Variants in ARFGEF1 observed in about 807,000 individuals in gnomAD.
ARFGEF1 encodes the protein ARF guanine nucleotide exchange factor 1, also known as brefeldin A-inhibited guanine nucleotide-exchange protein 1.
ARFGEF1 carries 42 observed loss-of-function variants against 231.0 expected under a neutral mutation model. The observed-to-expected ratio is 0.18, with a 90% CI of 0.14 to 0.24. The LOEUF (loss-of-function observed/expected upper bound fraction) is 0.24, where lower values mean the gene tolerates loss of function less well. Ranked by LOEUF, ARFGEF1 falls within the 10% of genes least tolerant of loss-of-function variation. ARFGEF1 has a pLI of 1.00. For synonymous variants in ARFGEF1, 710 were observed against 732.3 expected (o/e 0.97, Z 0.49); for missense variants, 1,345 against 2,192.0 (o/e 0.61, Z 7.72).
At chr8:67,192,456 ATG>A (rs1246490021) in intron 5 of ARFGEF1, among the ~76,000 whole-genome samples, 1 of 152,128 alleles carries the variant, frequency 6.6e-6, no homozygotes, top group African/African-American at 2.4e-5. Context: ...CTAGTTATCA[ATG>A]TGTGATTTTC....
At chr8:67,190,397 G>A (rs1285257509) in intron 5 of ARFGEF1, among the ~76,000 whole-genome samples, 1 of 152,054 alleles carries the variant, frequency 6.6e-6, no homozygotes, top group African/African-American at 2.4e-5. Context: ...TTTGCCCGGG[G>A]CCAGCAGGTG....
rs761947326 is a variant in ARFGEF1 at position 67,204,831 on chromosome 8, C to A, written c.4820-12G>T. ...TTGTTCTGGAAATTCTGTGAGGAAA[C>A]CCCCCCCAATGCACATGCAAACAAA... On this transcript the variant is annotated splice_polypyrimidine_tract_variant and intron_variant, in intron 34 of 38. Transcript: ENST00000262215. 1 of 1,584,910 alleles carries A rather than the reference C, an allele frequency of 6.3e-7. No individual in the cohort carries two copies. Among genetic ancestry groups the A allele is most frequent in the Non-Finnish European group, 8.6e-7 (1 of 1,161,080 alleles).
chr8:67,251,536 A>G (rs1464975516), intron 18 of ARFGEF1, 86 bp from the exon 19 acceptor site: 1 of 1,255,794 alleles, frequency 8.0e-7, no homozygotes, highest in Non-Finnish European at 1.1e-6. Context: ...AATAAACACC[A>G]CCAGTAATTA....
rs373101795 is a variant in ARFGEF1 at position 67,227,978 on chromosome 8, T to A, written c.3576A>T (p.Gly1192=). 6.4e-7 allele frequency: 1 copy of A among 1,570,026 alleles called. No individual in the cohort carries two copies. The highest frequency in any genetic ancestry group is 8.6e-7 in the Non-Finnish European group (1 of 1,167,042). ...LQWSRIWEVI[G]DHFNKVGCNP... is the part of the protein sequence containing the mutation. ...ATTCAAATACCTTATTAAAATGATC[T>A]CCAATAACTTCCCAAATTCGAGACC... The change falls in exon 25 of 39, where the codon GGA becomes GGT. Residue 1192 remains glycine (G), a synonymous_variant. Transcript: ENST00000262215.
In ARFGEF1 at chr8:67,343,451, G is replaced by A. The variant is rs1362396551; in HGVS notation, c.-164C>T. 4.4e-6 allele frequency: 6 copies of A among 1,359,770 alleles called. No homozygotes were observed. The highest frequency in any genetic ancestry group is 5.7e-6 in the Non-Finnish European group (6 of 1,053,190). 84.2% of individuals were successfully genotyped at this position (1,359,770 alleles called of 1,614,324 possible). ...GGATCAGGAAGGGGCGGGCGAGCGGGACCAGCCGCGGTGTCGGCGAAGGGC... is the reference window on the plus strand; with the variant it reads ...GGATCAGGAAGGGGCGGGCGAGCGGAACCAGCCGCGGTGTCGGCGAAGGGC... On this transcript the variant is annotated 5_prime_UTR_variant, in exon 1 of 39. Coordinates refer to ENST00000262215, the MANE Select transcript of ARFGEF1 (RefSeq NM_006421.5).
intron 14 of ARFGEF1, among the ~76,000 whole-genome samples, chr8:67,264,661 A>C (rs2128892933): frequency 6.6e-6 from 1 of 152,276 alleles, no homozygotes; most frequent in South Asian, 2.1e-4. Flanking sequence ...AAACAGTTGT[A>C]GACAAGTATA....
At chr8:67,336,040 C>G (rs887461930) in intron 1 of ARFGEF1, among the ~76,000 whole-genome samples, 1 of 152,238 alleles carries the variant, frequency 6.6e-6, no homozygotes, top group Non-Finnish European at 1.5e-5. Context: ...TGAGCCACCG[C>G]GCCCGGCCAT....
At chr8:67,269,153 T>C (rs762812409) in intron 10 of ARFGEF1, among the ~76,000 whole-genome samples, 8 of 152,142 alleles carry the variant, frequency 5.3e-5, no homozygotes, top group African/African-American at 9.7e-5. Context: ...AAGTATGCTG[T>C]CTTCACATAT....
chr8:67,223,266 G>A (rs1839262801), intron 29 of ARFGEF1, among the ~76,000 whole-genome samples: 1 of 152,182 alleles, frequency 6.6e-6, no homozygotes, highest in Admixed American at 6.5e-5. Context: ...CTGGAGTACA[G>A]TGGTGTGATC....
At chr8:67,194,268 C>A (rs1234596625), downstream of ARFGEF1, among the ~76,000 whole-genome samples, 2 of 152,138 alleles carry the variant, frequency 1.3e-5, no homozygotes, top group Non-Finnish European at 2.9e-5. Flanking sequence ...CTGGAGTGGT[C>A]TATTTGGGAA....
At chr8:67,236,317 CAAAAAA>C (rs1170379472) in intron 22 of ARFGEF1, among the ~76,000 whole-genome samples, 1 of 12,100 alleles carries the variant, frequency 8.3e-5, no homozygotes, top group African/African-American at 1.6e-4. Context: ...GACTGTGACT[CAAAAAA>C]AAAAAAAAAA....
rs1473715074 is a variant in ARFGEF1, at chr8:67,343,353, G to A, written c.-66C>T. The A allele has an allele frequency of 5.0e-6, 8 of 1,593,686 alleles. No individual in the cohort carries two copies. Among genetic ancestry groups the A allele is most frequent in the South Asian group, 2.2e-5 (2 of 89,638 alleles). On this transcript the variant is annotated 5_prime_UTR_variant, in exon 1 of 39. Transcript: ENST00000262215. ...TCCCAGCGGCTGGAGGGGAGGAGGA[G>A]GAGAGGAAGGAAGAGAAGAGAGAAA... is the stretch of plus-strand genomic sequence containing the variant.
chr8:67,241,022 C>T (rs1264520743), intron 19 of ARFGEF1, among the ~76,000 whole-genome samples: 2 of 151,972 alleles, frequency 1.3e-5, no homozygotes, highest in African/African-American at 2.4e-5. Context: ...AAGTGGTCAT[C>T]ATAAAGAAAA....
chr8:67,193,029 T>C (rs1321966988), downstream of ARFGEF1, among the ~76,000 whole-genome samples: 3 of 152,246 alleles, frequency 2.0e-5, no homozygotes, highest in South Asian at 2.1e-4. Context: ...TGGATAAGCA[T>C]AGGAGCCATA....
intron 1 of ARFGEF1, among the ~76,000 whole-genome samples, chr8:67,320,712 T>C (rs1807548541): frequency 6.6e-6 from 1 of 152,000 alleles, no homozygotes; most frequent in Non-Finnish European, 1.5e-5. Context: ...ATCCCAGCAC[T>C]TTGGGAGGCT....
chr8:67,222,586 G>A (rs967339569), intron 29 of ARFGEF1, among the ~76,000 whole-genome samples: 5 of 152,158 alleles, frequency 3.3e-5, no homozygotes, highest in South Asian at 4.2e-4. Context: ...AAGTAGCTGC[G>A]ATTACAGGTG....
At chr8:67,233,055 A>G in intron 22 of ARFGEF1, 110 bp from the exon 23 acceptor site, 1 of 893,852 alleles carries the variant, frequency 1.1e-6, no homozygotes. Context: ...CTAATAACAG[A>G]ATGCTTCAGG....
chr8:67,197,302 T>A (rs190551658), downstream of ARFGEF1, among the ~76,000 whole-genome samples: 82 of 152,066 alleles, frequency 5.4e-4, no homozygotes, highest in East Asian at 0.012. Context: ...AATTTTTTTT[T>A]AATTAGGCAA....
rs376085492 is a variant in ARFGEF1, at chr8:67,297,376, T to C, written c.460-766A>G. 1.6e-4 allele frequency among the ~76,000 whole-genome samples: 25 copies of C among 152,290 alleles called. No individual in the cohort carries two copies. In the East Asian group the frequency reaches 3.3e-3, roughly 20 times the overall value. On this transcript the variant is annotated intron_variant, in intron 4 of 38. Coordinates refer to ENST00000262215, the MANE Select transcript of ARFGEF1 (RefSeq NM_006421.5). ...CTCAATAGCTGTGCTGTTGTTGTTATTGTTGAAGAGGTTTATAAATGTTTT... is the reference window on the plus strand; with the variant it reads ...CTCAATAGCTGTGCTGTTGTTGTTACTGTTGAAGAGGTTTATAAATGTTTT...
Sources: allele counts gnomAD v4.1 joint callset (sites outside exome capture counted in the v4.1 genomes callset), GRCh38; gene constraint gnomAD v4.1.1; transcripts MANE v1.5; gene names NCBI Gene and HGNC (gene_info 2026-07-23, HGNC 2026-07-21).